The following YEATS2 variants were observed in gnomAD, a reference collection of about 807,000 sequenced individuals.
YEATS2 encodes YEATS domain-containing protein 2.
Under a neutral mutation model 163.2 loss-of-function variants are expected in YEATS2, and 77 were observed. The ratio of observed to expected loss-of-function variants is 0.47; its 90% CI spans 0.39 to 0.57. The LOEUF is 0.57. Among genes scored for constraint, YEATS2 ranks in the 20% least tolerant of loss-of-function variants. The pLI is 0.00. For missense variants in YEATS2, 1,549 were observed against 1,729.8 expected, an observed-to-expected ratio of 0.90 and a Z score of 1.85; for synonymous variants, 631 against 645.1, an observed-to-expected ratio of 0.98 and a Z score of 0.33.
chr3:183,799,824 T>C (rs1725492026), intron 23 of YEATS2, among the ~76,000 whole-genome samples: 1 of 149,356 alleles, frequency 6.7e-6, no homozygotes, highest in African/African-American at 2.5e-5. Flanking sequence ...ATTGTTTTTT[T>C]TTTTTTTCTT....
chr3:183,748,501 C>G (rs1719806869), intron 9 of YEATS2, among the ~76,000 whole-genome samples: 1 of 152,152 alleles, frequency 6.6e-6, no homozygotes, highest in Admixed American at 6.5e-5. Context: ...AACTGCCTGA[C>G]CTCAGGTGAT....
At position 183,756,701 on chromosome 3, in the gene YEATS2, A is replaced by G; in HGVS notation, c.1552+12A>G. 6.7e-7 allele frequency: 1 copy of G among 1,502,664 alleles called. No individual in the cohort carries two copies. The highest frequency in any genetic ancestry group is 8.9e-7 in the Non-Finnish European group (1 of 1,124,436). 93.1% of individuals were successfully genotyped at this position (1,502,664 alleles called of 1,614,324 possible). ...CACTCCCAGTACAGGTGTGTATTAG[A>G]TCCATATTTGTACCATCTAAAGGGT... On this transcript the variant is annotated intron_variant, in intron 12 of 30. Coordinates refer to ENST00000305135, the MANE Select transcript of YEATS2 (RefSeq NM_018023.5).
At chr3:183,803,214 G>A (rs369539132) in intron 25 of YEATS2, 42 bp from the exon 26 acceptor site, 13 of 1,598,070 alleles carry the variant, frequency 8.1e-6, no homozygotes, top group East Asian at 6.7e-5. Flanking sequence ...GGTTGGAATC[G>A]TAAGAGCTTT....
At chr3:183,761,985 C>A in intron 14 of YEATS2, 112 bp from the exon 15 acceptor site, 1 of 1,395,534 alleles carries the variant, frequency 7.2e-7, no homozygotes, top group Non-Finnish European at 1.0e-6. Context: ...CTTTACGTAT[C>A]AAGTTTCATC....
intron 5 of YEATS2, among the ~76,000 whole-genome samples, chr3:183,722,465 A>G (rs534573894): frequency 5.3e-4 from 80 of 151,404 alleles, no homozygotes; most frequent in Middle Eastern, 3.4e-3. Context: ...ATTTTTTTAT[A>G]TTTTTAGTAG....
intron 8 of YEATS2, among the ~76,000 whole-genome samples, chr3:183,745,710 G>T (rs956663753): frequency 3.3e-5 from 5 of 152,062 alleles, no homozygotes; most frequent in African/African-American, 1.2e-4. Flanking sequence ...TTTCTGACAG[G>T]TAGTCATTTA....
intron 1 of YEATS2, among the ~76,000 whole-genome samples, chr3:183,706,572 T>C (rs1160528149): frequency 6.6e-6 from 1 of 152,186 alleles, no homozygotes; most frequent in African/African-American, 2.4e-5. Flanking sequence ...AGTGGAGCAC[T>C]GTGGGAGGCC....
intron 1 of YEATS2, among the ~76,000 whole-genome samples, chr3:183,712,714 C>A (rs897968712): frequency 2.0e-5 from 3 of 151,960 alleles, no homozygotes; most frequent in Non-Finnish European, 4.4e-5. Context: ...AGGGAGCCAC[C>A]AGCCACAAGT....
chr3:183,808,835 G>A (rs533046860), intron 29 of YEATS2: 21 of 337,928 alleles, frequency 6.2e-5, no homozygotes, highest in African/African-American at 1.7e-4. Context: ...CAGCCTGGGC[G>A]CGAGAGTGAG....
At chr3:183,776,719 C>T (rs139865426) in intron 18 of YEATS2, among the ~76,000 whole-genome samples, 6 of 151,886 alleles carry the variant, frequency 4.0e-5, no homozygotes, top group Non-Finnish European at 5.9e-5. Flanking sequence ...TCTGGGAGGC[C>T]GAGGCAGGCA....
At chr3:183,724,851 C>T (rs1024640871) in intron 6 of YEATS2, among the ~76,000 whole-genome samples, 13 of 152,150 alleles carry the variant, frequency 8.5e-5, no homozygotes, top group African/African-American at 3.1e-4. Flanking sequence ...TCAAGCGATT[C>T]TCCTGCCTTA....
chr3:183,761,699 GT>G, intron 14 of YEATS2, 85 bp downstream of exon 14: 1 of 1,279,870 alleles, frequency 7.8e-7, no homozygotes, highest in South Asian at 1.2e-5. Context: ...CCTACAACAT[GT>G]TACTTTTTAG....
intron 24 of YEATS2, 114 bp downstream of exon 24, chr3:183,800,682 ACTGT>A (rs918280440): frequency 6.2e-6 from 5 of 803,692 alleles, no homozygotes; most frequent in Non-Finnish European, 1.0e-5. Context: ...GACGGGAGGA[ACTGT>A]CTGTCCCCGT....
chr3:183,707,573 A>T (rs761808049), intron 1 of YEATS2, among the ~76,000 whole-genome samples: 26 of 152,282 alleles, frequency 1.7e-4, no homozygotes, highest in Non-Finnish European at 3.1e-4. Flanking sequence ...TTAAGACTGT[A>T]GAAAGGACAG....
rs371988576 is a variant in YEATS2 at position 183,804,175 on chromosome 3, C to G, written c.3771C>G (p.Ile1257Met). 1.9e-6 allele frequency: 3 copies of G among 1,614,144 alleles called. No homozygotes were observed. Among genetic ancestry groups the G allele is most frequent in the Middle Eastern group, 1.7e-4 (1 of 6,058 alleles). ...GDSIEDVLTQIDSEPECPSSF... is the reference protein window; with the variant it reads ...GDSIEDVLTQMDSEPECPSSF... ...CCATCGAGGACGTGCTGACCCAGAT[C>G]GACAGCGAGCCCGGTAAGCCTTCAG... The change falls in exon 27 of 31, where the codon ATC (isoleucine) becomes ATG (methionine). Residue 1257 changes from isoleucine (I) to methionine (M), a missense_variant. By Grantham distance (10) the Ile-to-Met change is conservative. Transcript: ENST00000305135.
At chr3:183,797,726 T>C (rs778575761) in intron 21 of YEATS2, among the ~76,000 whole-genome samples, 197 bp from the exon 22 acceptor site, 35 of 152,080 alleles carry the variant, frequency 2.3e-4, no homozygotes, top group Non-Finnish European at 2.9e-5. Flanking sequence ...AAAAAGTAAA[T>C]AAACAATTAT....
Position 183,800,462 on chromosome 3 carries a change from G to T in YEATS2, c.3326-4G>T. 1 of 1,609,020 alleles carries T rather than the reference G, an allele frequency of 6.2e-7. No individual in the cohort carries two copies. The highest frequency in any genetic ancestry group is 8.5e-7 in the Non-Finnish European group (1 of 1,175,688). ...GCTGCCTCTTTGTTGCTCTTCCCTT[G>T]TAGTGAAGACTGAACCAGAAACACC... On this transcript the variant is annotated splice_region_variant and splice_polypyrimidine_tract_variant and intron_variant, in intron 23 of 30. Transcript: ENST00000305135.
At chr3:183,805,799 G>A (rs185823233) in intron 27 of YEATS2, among the ~76,000 whole-genome samples, 3 of 151,830 alleles carry the variant, frequency 2.0e-5, no homozygotes, top group Non-Finnish European at 4.4e-5. Flanking sequence ...AAAAAAAAAG[G>A]GGGGGCAAGT....
intron 19 of YEATS2, among the ~76,000 whole-genome samples, chr3:183,785,800 A>G (rs1435361673): frequency 6.6e-6 from 1 of 152,252 alleles, no homozygotes; most frequent in Non-Finnish European, 1.5e-5. Flanking sequence ...ATGTTTAAAG[A>G]TTATACGTAC....
Sources: gnomAD v4.1 joint callset for allele counts (sites outside exome capture counted in the v4.1 genomes callset) on GRCh38, gnomAD v4.1.1 for gene constraint, MANE v1.5 for transcripts, NCBI Gene and HGNC (gene_info 2026-07-23, HGNC 2026-07-21) for gene names.